Variants in CHN1 observed in about 807,000 individuals in gnomAD.
The protein encoded by CHN1 is chimerin 1.
CHN1 carries 37 observed loss-of-function variants against 59.5 expected under a neutral mutation model. The ratio of observed to expected loss-of-function variants is 0.62; its 90% CI spans 0.48 to 0.82. CHN1 has a LOEUF of 0.82. CHN1 is among the 40% of genes least tolerant of loss of function. CHN1 has a pLI of 0.00. For synonymous variants in CHN1, 206 were observed against 200.4 expected (o/e 1.03, Z -0.24); for missense variants, 469 against 571.0 (o/e 0.82, Z 1.82).
intron 5 of CHN1, among the ~76,000 whole-genome samples, chr2:174,894,558 A>G (rs1394116770): frequency 6.6e-6 from 1 of 150,422 alleles, no homozygotes; most frequent in East Asian, 1.9e-4. Flanking sequence ...GAAAAACAGT[A>G]TGGAGGTTCC....
At chr2:174,955,450 C>G (rs1425870978) in intron 1 of CHN1, among the ~76,000 whole-genome samples, 1 of 151,650 alleles carries the variant, frequency 6.6e-6, no homozygotes, top group Non-Finnish European at 1.5e-5. Flanking sequence ...GACACAAAGG[C>G]ATAAGAATGA....
intron 1 of CHN1, among the ~76,000 whole-genome samples, chr2:174,979,842 C>A (rs1483966367): frequency 6.6e-6 from 1 of 152,102 alleles, no homozygotes; most frequent in Non-Finnish European, 1.5e-5. Flanking sequence ...GATCACACCA[C>A]TGCACTCCAG....
chr2:174,800,281 G>A lies in CHN1; in HGVS notation c.1215C>T (p.Thr405=). The A allele has an allele frequency of 7.0e-7, 1 of 1,428,162 alleles. No individual in the cohort carries two copies. The highest frequency in any genetic ancestry group is 9.2e-7 in the Non-Finnish European group (1 of 1,088,470). The allele number at this position is 1,428,162 out of a possible 1,614,324, so 88.5% of individuals were successfully genotyped here. A position where few individuals can be genotyped will look rare whatever the true frequency, so the allele number is the denominator to read the frequency against. The stretch of plus-strand genomic sequence containing the variant: ...TCATAAGATTCTCCTTTTCGTGGAG[G>A]GTCACTCTGAAAAATGCAAGTACAG... The part of the protein sequence containing the change: ...RYLMAHLKRV[T]LHEKENLMNA... The change falls in exon 13 of 13, where the codon ACC becomes ACT. Residue 405 remains threonine (T), a synonymous_variant. Transcript: ENST00000409900.
chr2:174,847,265 G>A (rs2105436365), intron 6 of CHN1: 1 of 1,382,540 alleles, frequency 7.2e-7, no homozygotes, highest in East Asian at 2.6e-5. Flanking sequence ...ACACCACGGA[G>A]AGGTGGAGGA....
At chr2:174,970,616 C>A (rs1177268316) in intron 1 of CHN1, among the ~76,000 whole-genome samples, 1 of 152,082 alleles carries the variant, frequency 6.6e-6, no homozygotes, top group African/African-American at 2.4e-5. Context: ...TTACATAAAT[C>A]AATGAATATT....
chr2:174,857,638 T>A (rs969096654), intron 6 of CHN1, among the ~76,000 whole-genome samples: 1 of 152,182 alleles, frequency 6.6e-6, no homozygotes, highest in Non-Finnish European at 1.5e-5. Flanking sequence ...CTCTTCCTAA[T>A]CAAAAGCTGA....
intron 12 of CHN1, 60 bp downstream of exon 12, chr2:174,801,647 T>TC: frequency 8.4e-7 from 1 of 1,194,134 alleles, no homozygotes. Context: ...ACCCTTCATT[T>TC]CATTTTGTCC....
At chr2:174,826,261 G>A (rs965465249) in intron 7 of CHN1, among the ~76,000 whole-genome samples, 1 of 152,162 alleles carries the variant, frequency 6.6e-6, no homozygotes, top group African/African-American at 2.4e-5. Flanking sequence ...TAGAGCCCAA[G>A]ATCAACATCC....
intron 5 of CHN1, among the ~76,000 whole-genome samples, chr2:174,889,081 A>G (rs1687974292): frequency 6.6e-6 from 1 of 152,220 alleles, no homozygotes; most frequent in Admixed American, 6.5e-5. Flanking sequence ...CACAGATACC[A>G]GAGGGAGCAA....
chr2:174,800,741 A>AATGGTT (rs3086408), intron 12 of CHN1, among the ~76,000 whole-genome samples: 1 of 151,310 alleles, frequency 6.6e-6, no homozygotes, highest in East Asian at 1.9e-4. Flanking sequence ...AGTAATAAGC[A>AATGGTT]ATGGGTAGGC....
chr2:174,961,140 G>GGGAAGGGAGGGAGGAA (rs1274947877), intron 1 of CHN1, among the ~76,000 whole-genome samples: 1 of 147,888 alleles, frequency 6.8e-6, no homozygotes, highest in South Asian at 2.2e-4. Context: ...AAGGGAGGAA[G>GGGAAGGGAGGGAGGAA]GGAAGGGAGG....
At chr2:174,974,189 A>C (rs952182214) in intron 1 of CHN1, among the ~76,000 whole-genome samples, 9 of 152,138 alleles carry the variant, frequency 5.9e-5, no homozygotes, top group African/African-American at 2.2e-4. Flanking sequence ...TAAAATATTC[A>C]AATAGAGTCT....
chr2:174,937,111 C>A (rs957528897), intron 3 of CHN1, among the ~76,000 whole-genome samples: 1 of 152,118 alleles, frequency 6.6e-6, no homozygotes, highest in Non-Finnish European at 1.5e-5. Flanking sequence ...AGTTCTGCCA[C>A]TAATAGTTTA....
At chr2:174,875,771 T>C (rs562650973) in intron 6 of CHN1, 13 of 974,728 alleles carry the variant, frequency 1.3e-5, no homozygotes, top group African/African-American at 1.8e-5. Context: ...CAATTAAACA[T>C]GATTGTCTTT....
intron 5 of CHN1, among the ~76,000 whole-genome samples, chr2:174,902,522 C>T (rs765426774): frequency 1.4e-4 from 21 of 152,060 alleles, no homozygotes; most frequent in Non-Finnish European, 1.9e-4. Flanking sequence ...ACTCTTATAT[C>T]TTAAAATTTT....
rs568426100 is a variant in CHN1, at chr2:174,802,646, A to C, written c.1103-834T>G. On this transcript the variant is annotated intron_variant, in intron 11 of 12. Coordinates refer to ENST00000409900, the MANE Select transcript of CHN1 (RefSeq NM_001822.7). ...ATTCAATTCATTAGTCATTTGTATA[A>C]CTGAAAACAATTAACATATTTGGAA... Among the ~76,000 whole-genome samples the C allele has an allele frequency of 2.0e-5, 3 of 152,348 alleles. No homozygotes were observed. The South Asian group carries it at 6.2e-4, about 32-fold the overall frequency.
intron 6 of CHN1, among the ~76,000 whole-genome samples, chr2:174,851,614 G>C (rs1005568150): frequency 2.0e-5 from 3 of 152,158 alleles, no homozygotes; most frequent in African/African-American, 7.2e-5. Flanking sequence ...TATCAATTCT[G>C]TAGGTTCATC....
intron 3 of CHN1, among the ~76,000 whole-genome samples, chr2:174,919,288 G>A (rs1322031983): frequency 6.6e-6 from 1 of 152,196 alleles, no homozygotes; most frequent in East Asian, 1.9e-4. Context: ...ATGAAAATAG[G>A]AGTGGGTAAC....
intron 8 of CHN1, among the ~76,000 whole-genome samples, chr2:174,813,985 T>C (rs1685158710): frequency 6.6e-6 from 1 of 152,234 alleles, no homozygotes; most frequent in South Asian, 2.1e-4. Context: ...GATCTAGTTA[T>C]ATATAGTGGT....
Sources: allele counts gnomAD v4.1 joint callset (sites outside exome capture counted in the v4.1 genomes callset), GRCh38; gene constraint gnomAD v4.1.1; transcripts MANE v1.5; gene names NCBI Gene and HGNC (gene_info 2026-07-23, HGNC 2026-07-21).